The following MALRD1 variants were observed in gnomAD, a reference collection of about 807,000 sequenced individuals.
The protein encoded by MALRD1 is MAM and LDL-receptor class A domain-containing protein 1.
A neutral mutation model predicts 242.1 loss-of-function variants in MALRD1; 247 were observed. The observed-to-expected ratio is 1.02, with a 90% CI of 0.92 to 1.13. The LOEUF (loss-of-function observed/expected upper bound fraction) is 1.13. Ranked by LOEUF, MALRD1 falls within the 50% of genes most tolerant of loss-of-function variation. The pLI is 0.00. For synonymous variants in MALRD1, 995 were observed against 866.6 expected (o/e 1.15, Z -2.60); for missense variants, 2,989 against 2,533.1 (o/e 1.18, Z -3.86).
chr10:19,367,884 T>A (rs1845174953), intron 26 of MALRD1, among the ~76,000 whole-genome samples: 1 of 152,114 alleles, frequency 6.6e-6, no homozygotes, highest in Admixed American at 6.6e-5. Context: ...TTTCATACAA[T>A]TGTTGGCCAT....
intron 29 of MALRD1, among the ~76,000 whole-genome samples, chr10:19,464,269 C>A (rs371616408): frequency 5.3e-4 from 81 of 152,232 alleles, no homozygotes; most frequent in Middle Eastern, 6.8e-3. Flanking sequence ...GGTTCTTGGT[C>A]GTGAAGTCTT....
At chr10:19,559,258 T>A (rs1835858037) in intron 32 of MALRD1, among the ~76,000 whole-genome samples, 1 of 151,930 alleles carries the variant, frequency 6.6e-6, no homozygotes, top group Non-Finnish European at 1.5e-5. Context: ...TAGTGATGGT[T>A]CTTTTGTCAT....
intron 32 of MALRD1, among the ~76,000 whole-genome samples, chr10:19,565,172 C>G (rs920572293): frequency 2.0e-5 from 3 of 151,952 alleles, no homozygotes; most frequent in Admixed American, 2.0e-4. Flanking sequence ...GATGTGTTGA[C>G]ATGTATTGGA....
intron 5 of MALRD1, among the ~76,000 whole-genome samples, chr10:19,116,707 C>T (rs1355400754): frequency 6.6e-6 from 1 of 152,168 alleles, no homozygotes; most frequent in Non-Finnish European, 1.5e-5. Context: ...TTGGCAAAGC[C>T]TTATTCCACT....
intron 11 of MALRD1, among the ~76,000 whole-genome samples, chr10:19,147,640 C>G (rs575238671): frequency 6.6e-6 from 1 of 152,124 alleles, no homozygotes; most frequent in Non-Finnish European, 1.5e-5. Context: ...ATGGATGCCA[C>G]GATCCCTGCC....
intron 35 of MALRD1, among the ~76,000 whole-genome samples, chr10:19,612,744 C>T (rs923960370): frequency 6.6e-6 from 1 of 151,876 alleles, no homozygotes; most frequent in Non-Finnish European, 1.5e-5. Context: ...ACTTGGCCGG[C>T]AGGAGAGAGA....
chr10:19,047,339 G>T (rs1834362168), upstream of MALRD1, among the ~76,000 whole-genome samples: 1 of 136,612 alleles, frequency 7.3e-6, no homozygotes, highest in Non-Finnish European at 1.5e-5. Flanking sequence ...TTCTATAAAA[G>T]TAGATGTGTT....
rs3892294 is a variant in MALRD1, at chr10:19,521,762, G to A, written c.5321-9432G>A. 3.5e-3 allele frequency among the ~76,000 whole-genome samples: 528 copies of A among 152,094 alleles called. 7 individuals carry two copies. In the East Asian group the frequency reaches 0.05, roughly 14 times the overall value. ...TGATCAATCACTTATTTCCACATTT[G>A]AGTTCCATACTATCATTTGCCCACT... On this transcript the variant is annotated intron_variant, in intron 31 of 39. Coordinates refer to ENST00000454679, the MANE Select transcript of MALRD1 (RefSeq NM_001142308.3).
At chr10:19,258,377 A>C (rs1243186452) in intron 19 of MALRD1, among the ~76,000 whole-genome samples, 4 of 152,118 alleles carry the variant, frequency 2.6e-5, no homozygotes, top group Admixed American at 1.3e-4. Context: ...GGCCTTGAAT[A>C]GTGTTATGAG....
At chr10:19,178,711 T>C (rs1835365080) in intron 14 of MALRD1, among the ~76,000 whole-genome samples, 1 of 152,228 alleles carries the variant, frequency 6.6e-6, no homozygotes, top group African/African-American at 2.4e-5. Context: ...GCCTGTTGTA[T>C]GCTCTTAATC....
intron 29 of MALRD1, among the ~76,000 whole-genome samples, chr10:19,471,690 G>T (rs1836506793): frequency 1.5e-5 from 2 of 135,610 alleles, no homozygotes. Flanking sequence ...TTTCATAGAT[G>T]GGTTTGTTTG....
intron 11 of MALRD1, among the ~76,000 whole-genome samples, chr10:19,149,053 A>T (rs1043550728): frequency 6.6e-6 from 1 of 150,640 alleles, no homozygotes; most frequent in African/African-American, 2.4e-5. Context: ...TATAGATTGC[A>T]GCTTTTAAAT....
chr10:19,462,055 C>G (rs1689155354), intron 29 of MALRD1, among the ~76,000 whole-genome samples: 2 of 152,148 alleles, frequency 1.3e-5, no homozygotes, highest in African/African-American at 4.8e-5. Context: ...ACAAACATGC[C>G]TACTGGAACT....
intron 26 of MALRD1, among the ~76,000 whole-genome samples, chr10:19,383,117 A>G (rs748764566): frequency 2.0e-5 from 3 of 152,166 alleles, no homozygotes; most frequent in Non-Finnish European, 2.9e-5. Context: ...CTTGCATATC[A>G]TGGGGGTTTG....
intron 36 of MALRD1, among the ~76,000 whole-genome samples, chr10:19,620,372 A>G (rs971897975): frequency 9.2e-5 from 14 of 151,966 alleles, no homozygotes; most frequent in African/African-American, 3.1e-4. Flanking sequence ...TTTGTGTCCA[A>G]GTATATTTGA....
rs1332732151 is a variant in MALRD1, at chr10:19,719,187, TATACATAC to T, written c.6315-11515_6315-11508del. 4.4e-5 allele frequency among the ~76,000 whole-genome samples: 4 copies of T among 91,816 alleles called. No homozygotes were observed. The Admixed American group carries it at 5.7e-4, about 13-fold the overall frequency. 60.2% of individuals were successfully genotyped at this position (91,816 alleles called of 152,430 possible). A position where few individuals can be genotyped will look rare whatever the true frequency, so the allele number is the denominator to read the frequency against. ...ATATATATACATACATATATATATA[TATACATAC>T]ATATATATATATATATACACATACA... On this transcript the variant is annotated intron_variant, in intron 38 of 39. Transcript: ENST00000454679.
At chr10:19,221,069 G>T (rs981893241) in intron 18 of MALRD1, among the ~76,000 whole-genome samples, 4 of 151,520 alleles carry the variant, frequency 2.6e-5, no homozygotes, top group Non-Finnish European at 4.4e-5. Flanking sequence ...TGAAGGAAAA[G>T]ATATTTTTCC....
intron 23 of MALRD1, 22 bp from the exon 24 acceptor site, chr10:19,331,347 T>G: frequency 6.5e-7 from 1 of 1,542,532 alleles, no homozygotes; most frequent in South Asian, 1.2e-5. Flanking sequence ...ACAGTTTAAC[T>G]GTAACTGGCT....
At chr10:19,332,204 C>G (rs557225406) in intron 24 of MALRD1, among the ~76,000 whole-genome samples, 94 of 143,218 alleles carry the variant, frequency 6.6e-4, no homozygotes, top group African/African-American at 2.4e-3. Context: ...AAATGACAGG[C>G]AAAATTTTCA....
Sources: gnomAD v4.1 joint callset for allele counts (sites outside exome capture counted in the v4.1 genomes callset) on GRCh38, gnomAD v4.1.1 for gene constraint, MANE v1.5 for transcripts, NCBI Gene and HGNC (gene_info 2026-07-23, HGNC 2026-07-21) for gene names.